The following CNIH3 variants were observed in gnomAD, a reference collection of about 807,000 sequenced individuals.
The protein encoded by CNIH3 is cornichon family AMPA receptor auxiliary protein 3.
CNIH3 carries 14 observed loss-of-function variants against 24.1 expected under a neutral mutation model. The ratio of observed to expected loss-of-function variants is 0.58; its 90% CI spans 0.38 to 0.91. CNIH3 has a LOEUF of 0.91. Ranked by LOEUF, CNIH3 falls within the 40% of genes least tolerant of loss-of-function variation. The pLI, the probability that CNIH3 is intolerant of heterozygous loss-of-function variation, is 0.00. For synonymous variants in CNIH3, 68 were observed against 73.8 expected, an observed-to-expected ratio of 0.92 and a Z score of 0.40; for missense variants, 178 against 196.8, an observed-to-expected ratio of 0.90 and a Z score of 0.57.
intron 3 of CNIH3, among the ~76,000 whole-genome samples, chr1:224,723,418 G>A (rs1431599255): frequency 6.6e-6 from 1 of 152,164 alleles, no homozygotes; most frequent in African/African-American, 2.4e-5. Flanking sequence ...GAAGCAACAG[G>A]AACATCCACA....
chr1:224,506,306 G>C (rs903119359), intron 1 of CNIH3, among the ~76,000 whole-genome samples: 7 of 135,818 alleles, frequency 5.2e-5, no homozygotes, highest in Admixed American at 2.9e-4. Flanking sequence ...CACACACACG[G>C]TCACTCCTCT....
chr1:224,571,749 C>G (rs1049398889), intron 4 of CNIH3, among the ~76,000 whole-genome samples: 1 of 151,932 alleles, frequency 6.6e-6, no homozygotes, highest in African/African-American at 2.4e-5. Flanking sequence ...AAAAAAACCC[C>G]AAGCAGGTCC....
intron 3 of CNIH3, among the ~76,000 whole-genome samples, chr1:224,707,124 C>T (rs182571837): frequency 4.1e-4 from 62 of 151,772 alleles, no homozygotes; most frequent in African/African-American, 1.4e-3. Flanking sequence ...CCACCACACC[C>T]GGCTAATTTT....
At chr1:224,632,145 T>C (rs1434663327) in intron 1 of CNIH3, among the ~76,000 whole-genome samples, 1 of 152,086 alleles carries the variant, frequency 6.6e-6, no homozygotes, top group Non-Finnish European at 1.5e-5. Flanking sequence ...GCGTTGTCCA[T>C]AAGTCTGAGA....
In CNIH3 at chr1:224,704,042, G is replaced by A. The variant is rs1282123279; in HGVS notation, c.198+19199G>A. 6.6e-6 allele frequency among the ~76,000 whole-genome samples: 1 copy of A among 152,192 alleles called. No homozygotes were observed. Among genetic ancestry groups the A allele is most frequent in the Non-Finnish European group, 1.5e-5 (1 of 68,026 alleles). On this transcript the variant is annotated intron_variant, in intron 3 of 5. Coordinates refer to ENST00000272133, the MANE Select transcript of CNIH3 (RefSeq NM_152495.2). The surrounding 1 kb of genome is among the most constrained non-coding windows in gnomAD (Gnocchi z 4.2). ...ATACATCTCTCAGAGGTGCGCCTTTGGTGGAGTGAGAACATGAACTACTGT... is the reference window on the plus strand; with the variant it reads ...ATACATCTCTCAGAGGTGCGCCTTTAGTGGAGTGAGAACATGAACTACTGT...
chr1:224,482,494 C>T lies in CNIH3; in HGVS notation n.204-33247C>T, dbSNP rs577540192. On this transcript the variant is annotated intron_variant and non_coding_transcript_variant, in intron 1 of 5. Coordinates refer to the CNIH3 transcript ENST00000471578. ...GAATAGGACCTTCCCTTCAAGGTAG[C>T]GGGCTCCCTTCTGGCCTAGGGTGTG... 3.8e-3 allele frequency among the ~76,000 whole-genome samples: 579 copies of T among 152,100 alleles called. 4 individuals are homozygous for T. Among genetic ancestry groups the T allele is most frequent in the African/African-American group, 0.013 (544 of 41,478 alleles).
chr1:224,498,281 C>G (rs919850121), intron 1 of CNIH3, among the ~76,000 whole-genome samples: 2 of 152,194 alleles, frequency 1.3e-5, no homozygotes, highest in Non-Finnish European at 2.9e-5. Context: ...GCAGCCCCAG[C>G]AAAAGCAGCA....
chr1:224,623,986 T>C (rs1348188835), intron 1 of CNIH3, among the ~76,000 whole-genome samples: 1 of 152,238 alleles, frequency 6.6e-6, no homozygotes, highest in Non-Finnish European at 1.5e-5. Context: ...TGCCGTCACC[T>C]CTTTGGATTC....
At chr1:224,434,744 T>G (rs868821819) in exon 1 of CNIH3, 17 of 986,890 alleles carry the variant, frequency 1.7e-5, no homozygotes, top group Middle Eastern at 5.2e-4. Context: ...TGTCCTCGGA[T>G]CCGCTCCGCT....
intron 1 of CNIH3, among the ~76,000 whole-genome samples, chr1:224,651,989 A>AT (rs1336048590): frequency 6.6e-6 from 1 of 152,054 alleles, no homozygotes; most frequent in African/African-American, 2.4e-5. Flanking sequence ...TTATCACAAA[A>AT]TTTTTTTCAA....
chr1:224,580,754 G>A (rs1572517999), intron 4 of CNIH3, among the ~76,000 whole-genome samples: 1 of 151,358 alleles, frequency 6.6e-6, no homozygotes, highest in South Asian at 2.1e-4. Flanking sequence ...TTGAACCAGG[G>A]AGTCGGAGGT....
intron 2 of CNIH3, among the ~76,000 whole-genome samples, chr1:224,543,495 C>G (rs1179191183): frequency 6.6e-6 from 1 of 152,160 alleles, no homozygotes; most frequent in Non-Finnish European, 1.5e-5. Flanking sequence ...TCTGAAGACC[C>G]TCAAACTTGC....
chr1:224,640,510 A>C (rs886657925), intron 1 of CNIH3, among the ~76,000 whole-genome samples: 20 of 152,264 alleles, frequency 1.3e-4, no homozygotes, highest in Non-Finnish European at 2.8e-4. Flanking sequence ...TAGGTGATTC[A>C]GAGCTTAGCA....
intron 1 of CNIH3, among the ~76,000 whole-genome samples, chr1:224,481,744 C>T (rs1343075218): frequency 2.0e-5 from 3 of 152,222 alleles, no homozygotes. Flanking sequence ...CCTGCTGTAA[C>T]CACTACCTGG....
upstream of CNIH3, among the ~76,000 whole-genome samples, chr1:224,514,109 G>A (rs1271689868): frequency 2.0e-5 from 3 of 152,168 alleles, no homozygotes; most frequent in Non-Finnish European, 4.4e-5. Context: ...TCCAACAGCA[G>A]CAGAAACTGT....
intron 1 of CNIH3, among the ~76,000 whole-genome samples, chr1:224,469,920 A>C (rs1572307831): frequency 6.6e-6 from 1 of 152,344 alleles, no homozygotes; most frequent in South Asian, 2.1e-4. Flanking sequence ...GATTTAAAAA[A>C]AATCTGAAAA....
At chr1:224,705,768 A>C (rs1440600059) in intron 3 of CNIH3, among the ~76,000 whole-genome samples, 3 of 150,390 alleles carry the variant, frequency 2.0e-5, no homozygotes, top group Admixed American at 2.0e-4. Flanking sequence ...TGAATTAAGC[A>C]CCATTCACTT....
chr1:224,499,025 C>T (rs773414859), intron 1 of CNIH3, among the ~76,000 whole-genome samples: 6 of 152,204 alleles, frequency 3.9e-5, no homozygotes, highest in East Asian at 1.9e-4. Context: ...GACTGGCACC[C>T]GCTCCGGGAA....
chr1:224,568,135 C>CA lies in CNIH3; in HGVS notation n.516+1876dup, dbSNP rs570356449. Among the ~76,000 whole-genome samples the CA allele has an allele frequency of 4.7e-4, 72 of 152,142 alleles. 2 individuals are homozygous for CA. The East Asian group carries it at 9.1e-3, about 19-fold the overall frequency. ...TAAAACCCCGTCTTTACTAAAAATA[C>CA]AAAAATTAGCTGGGCATGGTGGCAC... On this transcript the variant is annotated intron_variant and non_coding_transcript_variant, in intron 4 of 5. Coordinates refer to the CNIH3 transcript ENST00000471578.
Sources: gnomAD v4.1 joint callset for allele counts (sites outside exome capture counted in the v4.1 genomes callset) on GRCh38, gnomAD v4.1.1 for gene constraint, Gnocchi (gnomAD v3.1) non-coding constraint, MANE v1.5 for transcripts, NCBI Gene and HGNC (gene_info 2026-07-23, HGNC 2026-07-21) for gene names.